The following PAN3 variants were observed in gnomAD, a reference collection of about 807,000 sequenced individuals.
The protein encoded by PAN3 is poly(A) specific ribonuclease subunit PAN3, also known as PAN2-PAN3 deadenylation complex subunit PAN3.
PAN3 carries 19 observed loss-of-function variants against 96.2 expected under a neutral mutation model. The observed-to-expected ratio is 0.20, with a 90% confidence interval of 0.14 to 0.29. The LOEUF (loss-of-function observed/expected upper bound fraction) is 0.29, where lower values mean the gene tolerates loss of function less well. Ranked by LOEUF, PAN3 falls within the 10% of genes least tolerant of loss-of-function variation. PAN3 has a pLI of 1.00. For missense variants in PAN3, 882 were observed against 1,108.1 expected (o/e 0.80, Z 2.90); for synonymous variants, 433 against 406.6 (o/e 1.06, Z -0.78).
intron 1 of PAN3, among the ~76,000 whole-genome samples, chr13:28,167,859 C>G (rs959696178): frequency 6.6e-6 from 1 of 151,998 alleles, no homozygotes; most frequent in Non-Finnish European, 1.5e-5. Context: ...AACAAACAAA[C>G]AAATCTTTAA....
intron 1 of PAN3, among the ~76,000 whole-genome samples, chr13:28,140,199 C>T (rs909807901): frequency 6.6e-6 from 1 of 152,162 alleles, no homozygotes; most frequent in Non-Finnish European, 1.5e-5. Context: ...ATCTGTCCTC[C>T]TCAGCCTCTC....
chr13:28,264,190 T>C (rs562497509), intron 9 of PAN3, among the ~76,000 whole-genome samples: 1 of 152,302 alleles, frequency 6.6e-6, no homozygotes, highest in South Asian at 2.1e-4. Flanking sequence ...TTTATACTTT[T>C]AAGTATAAAA....
At position 28,215,340 on chromosome 13, in the gene PAN3, A is replaced by G. The variant is rs939508035; in HGVS notation, c.853-4891A>G. 3.2e-5 allele frequency: 24 copies of G among 749,522 alleles called. No individual in the cohort carries two copies. The African/African-American group carries it at 3.3e-4, about 10-fold the overall frequency. 46.4% of individuals were successfully genotyped at this position (749,522 alleles called of 1,614,324 possible). On this transcript the variant is annotated intron_variant, in intron 5 of 18. Transcript: ENST00000380958. Reference sequence around the variant, plus strand: ...GGAGACTGGTGTTCTCAAACCCGTTATGGTGGTCACCTTTGCTCCAGTCAA... The same window carrying G: ...GGAGACTGGTGTTCTCAAACCCGTTGTGGTGGTCACCTTTGCTCCAGTCAA...
intron 6 of PAN3, among the ~76,000 whole-genome samples, chr13:28,239,185 A>ACACACACG (rs1317288825): frequency 1.9e-5 from 2 of 104,092 alleles, no homozygotes; most frequent in African/African-American, 8.5e-5. Flanking sequence ...ACACACACAC[A>ACACACACG]CACGCATGCA....
chr13:28,206,764 G>C (rs1197408812), intron 5 of PAN3, among the ~76,000 whole-genome samples: 1 of 149,988 alleles, frequency 6.7e-6, no homozygotes, highest in Non-Finnish European at 1.5e-5. Flanking sequence ...AGACTTCTTG[G>C]CCTTTGTACT....
intron 18 of PAN3, among the ~76,000 whole-genome samples, chr13:28,288,890 C>G (rs1006647360): frequency 4.5e-5 from 6 of 133,704 alleles, no homozygotes; most frequent in Admixed American, 8.3e-5. Flanking sequence ...GCAGTGGCGC[C>G]ATCTAGGCTC....
chr13:28,216,046 ATGTTT>A, intron 5 of PAN3: 1 of 512,524 alleles, frequency 2.0e-6, no homozygotes, highest in Non-Finnish European at 3.5e-6. Context: ...GGAAAGGAGA[ATGTTT>A]TGTGAACTAC....
intron 1 of PAN3, among the ~76,000 whole-genome samples, chr13:28,167,177 G>A (rs1322789653): frequency 1.4e-5 from 2 of 147,674 alleles, no homozygotes; most frequent in African/African-American, 5.0e-5. Context: ...CATGCTTGTG[G>A]TACTCTCTTC....
At chr13:28,234,408 T>C (rs915081780) in intron 6 of PAN3, among the ~76,000 whole-genome samples, 1 of 152,182 alleles carries the variant, frequency 6.6e-6, no homozygotes, top group African/African-American at 2.4e-5. Context: ...AAATTTTTCA[T>C]GTTTTGGAGT....
At chr13:28,192,693 G>A (rs1214418212) in intron 4 of PAN3, among the ~76,000 whole-genome samples, 1 of 152,162 alleles carries the variant, frequency 6.6e-6, no homozygotes, top group Non-Finnish European at 1.5e-5. Flanking sequence ...CCTTTAATCT[G>A]TCTTCGAGCG....
intron 6 of PAN3, among the ~76,000 whole-genome samples, chr13:28,220,954 A>G (rs1033490216): frequency 6.6e-6 from 1 of 152,110 alleles, no homozygotes; most frequent in Admixed American, 6.6e-5. Context: ...TCTGCCCATA[A>G]TGTACCCATA....
chr13:28,153,122 A>G (rs1303208791), intron 1 of PAN3, among the ~76,000 whole-genome samples: 6 of 152,188 alleles, frequency 3.9e-5, no homozygotes, highest in Non-Finnish European at 8.8e-5. Flanking sequence ...GGTGTTATCC[A>G]TATAGCAGGA....
At chr13:28,244,789 T>C (rs1446991360) in intron 6 of PAN3, among the ~76,000 whole-genome samples, 1 of 152,090 alleles carries the variant, frequency 6.6e-6, no homozygotes, top group Non-Finnish European at 1.5e-5. Context: ...CTATTCTTGA[T>C]GCTTTTTTTC....
intron 1 of PAN3, among the ~76,000 whole-genome samples, chr13:28,155,115 G>A (rs1003017384): frequency 8.6e-5 from 13 of 151,622 alleles, no homozygotes; most frequent in Admixed American, 3.3e-4. Flanking sequence ...CGCGCACGGC[G>A]ACTTTGCGGT....
At chr13:28,253,484 G>C (rs1884899523) in intron 6 of PAN3, among the ~76,000 whole-genome samples, 1 of 152,060 alleles carries the variant, frequency 6.6e-6, no homozygotes, top group Non-Finnish European at 1.5e-5. Context: ...AGGTATTTCA[G>C]TAATTTAGTT....
At chr13:28,269,803 A>T (rs1347496052) in intron 12 of PAN3, among the ~76,000 whole-genome samples, 1 of 152,152 alleles carries the variant, frequency 6.6e-6, no homozygotes, top group Non-Finnish European at 1.5e-5. Context: ...TTAATTTTGT[A>T]TGTGCTGCTT....
At chr13:28,239,150 C>T (rs1883378002) in intron 6 of PAN3, among the ~76,000 whole-genome samples, 1 of 19,170 alleles carries the variant, frequency 5.2e-5, no homozygotes, top group Non-Finnish European at 1.1e-4. Flanking sequence ...CCCCCCACCC[C>T]CCACCCCCGC....
intron 12 of PAN3, among the ~76,000 whole-genome samples, chr13:28,267,976 A>G (rs1886323473): frequency 6.6e-6 from 1 of 152,246 alleles, no homozygotes; most frequent in African/African-American, 2.4e-5. Context: ...TTACTAAGAT[A>G]AGATAGATTT....
intron 4 of PAN3, among the ~76,000 whole-genome samples, chr13:28,178,266 G>A (rs1455159967): frequency 6.6e-6 from 1 of 152,010 alleles, no homozygotes; most frequent in Non-Finnish European, 1.5e-5. Context: ...TGTTAATCAT[G>A]TTTAAACTTT....
Sources: allele counts gnomAD v4.1 joint callset (sites outside exome capture counted in the v4.1 genomes callset), GRCh38; gene constraint gnomAD v4.1.1; transcripts MANE v1.5; gene names NCBI Gene and HGNC (gene_info 2026-07-23, HGNC 2026-07-21).